Variants in LHFPL6 observed in about 807,000 individuals in gnomAD.
The protein encoded by LHFPL6 is LHFPL tetraspan subfamily member 6 protein.
Under a neutral mutation model 20.6 loss-of-function variants are expected in LHFPL6, and 9 were observed. The ratio of observed to expected loss-of-function variants is 0.44; its 90% CI spans 0.26 to 0.76. The LOEUF (loss-of-function observed/expected upper bound fraction) is 0.76, where lower values mean the gene tolerates loss of function less well. Ranked by LOEUF, LHFPL6 falls within the 30% of genes least tolerant of loss-of-function variation. The pLI is 0.20. For synonymous variants in LHFPL6, 105 were observed against 98.7 expected (o/e 1.06, Z -0.38); for missense variants, 218 against 253.5 (o/e 0.86, Z 0.95).
At chr13:39,574,114 A>C (rs1401104824) in intron 2 of LHFPL6, among the ~76,000 whole-genome samples, 1 of 152,044 alleles carries the variant, frequency 6.6e-6, no homozygotes, top group African/African-American at 2.4e-5. Context: ...CCTGCTGCAT[A>C]CTCCTGACTT....
At position 39,454,568 on chromosome 13, in the gene LHFPL6, A is replaced by G. The variant is rs1267286114; in HGVS notation, c.386-76042T>C. Among the ~76,000 whole-genome samples, 226 of 32,000 alleles carry G rather than the reference A, an allele frequency of 7.1e-3. 76 individuals are homozygous for G. Among genetic ancestry groups the G allele is most frequent in the African/African-American group, 0.053 (198 of 3,734 alleles). The allele number at this position is 32,000 out of a possible 152,430, so 21.0% of individuals were successfully genotyped here. A position where few individuals can be genotyped will look rare whatever the true frequency, so the allele number is the denominator to read the frequency against. The stretch of plus-strand genomic sequence containing the variant: ...GGCGTGAACCCGGGAGGCGGAGCTT[A>G]CAGTGAGCCGAGATCCCGCCACTGC... On this transcript the variant is annotated intron_variant, in intron 2 of 3. Transcript: ENST00000379589.
Position 39,398,725 on chromosome 13 carries a change from C to T in LHFPL6, c.386-20199G>A, listed in dbSNP as rs372259121. ...ACAGGGCCGCAGAGCAGGTGGGGAGCGGTGGGCAAGTGAGCATTACTGCCT... is the reference window on the plus strand; with the variant it reads ...ACAGGGCCGCAGAGCAGGTGGGGAGTGGTGGGCAAGTGAGCATTACTGCCT... On this transcript the variant is annotated intron_variant, in intron 2 of 3. Transcript: ENST00000379589. 8.5e-5 allele frequency among the ~76,000 whole-genome samples: 13 copies of T among 152,298 alleles called. No homozygotes were observed. The East Asian group carries it at 9.6e-4, about 11-fold the overall frequency.
intron 2 of LHFPL6, among the ~76,000 whole-genome samples, chr13:39,391,539 C>G (rs1224626985): frequency 6.6e-6 from 1 of 152,150 alleles, no homozygotes; most frequent in South Asian, 2.1e-4. Context: ...ATGTGTGTAT[C>G]AAACCTTATA....
chr13:39,375,724 C>G (rs1870277851), intron 3 of LHFPL6, among the ~76,000 whole-genome samples: 1 of 144,218 alleles, frequency 6.9e-6, no homozygotes, highest in Non-Finnish European at 1.5e-5. Flanking sequence ...TGGGATGGGC[C>G]TAGAGATATC....
intron 2 of LHFPL6, among the ~76,000 whole-genome samples, chr13:39,530,595 C>T (rs1315358362): frequency 6.6e-6 from 1 of 152,032 alleles, no homozygotes; most frequent in Non-Finnish European, 1.5e-5. Context: ...ACTCGTAAGT[C>T]CTAAAAACTT....
chr13:39,473,107 A>C (rs1872990528), intron 2 of LHFPL6, among the ~76,000 whole-genome samples: 1 of 152,016 alleles, frequency 6.6e-6, no homozygotes, highest in Non-Finnish European at 1.5e-5. Context: ...CCACTAGGTG[A>C]TAGCTATGCA....
intron 2 of LHFPL6, among the ~76,000 whole-genome samples, chr13:39,570,129 T>A (rs965924234): frequency 5.9e-5 from 9 of 152,200 alleles, no homozygotes; most frequent in African/African-American, 2.2e-4. Context: ...TTACTCTTTT[T>A]AAATTTATTT....
At chr13:39,486,840 T>G (rs1868742988) in intron 2 of LHFPL6, among the ~76,000 whole-genome samples, 1 of 152,216 alleles carries the variant, frequency 6.6e-6, no homozygotes, top group African/African-American at 2.4e-5. Flanking sequence ...TGAGTAGCTC[T>G]AAAGAAAGGA....
chr13:39,409,083 G>A (rs1268366018), intron 2 of LHFPL6, among the ~76,000 whole-genome samples: 1 of 152,100 alleles, frequency 6.6e-6, no homozygotes, highest in Admixed American at 6.5e-5. Flanking sequence ...AAATCTATGC[G>A]CCAAATGCCT....
chr13:39,403,452 C>T (rs1042813878), intron 2 of LHFPL6, among the ~76,000 whole-genome samples: 2 of 152,092 alleles, frequency 1.3e-5, no homozygotes, highest in Admixed American at 6.5e-5. Flanking sequence ...TAAATTACTG[C>T]AGTATAATCA....
At chr13:39,461,984 C>T (rs73175139) in intron 2 of LHFPL6, among the ~76,000 whole-genome samples, 14,263 of 152,122 alleles carry the variant, frequency 0.094, 1,266 homozygotes, top group East Asian at 0.51. Context: ...AAAAAATGCC[C>T]TGTGGCTGAG....
At chr13:39,450,054 T>C (rs989191587) in intron 2 of LHFPL6, among the ~76,000 whole-genome samples, 1 of 152,170 alleles carries the variant, frequency 6.6e-6, no homozygotes, top group South Asian at 2.1e-4. Flanking sequence ...GAGGAGAAAC[T>C]CATACACCAT....
chr13:39,349,645 A>G (rs1244976792), intron 3 of LHFPL6, among the ~76,000 whole-genome samples: 2 of 152,222 alleles, frequency 1.3e-5, no homozygotes, highest in African/African-American at 4.8e-5. Context: ...TAATTGTGAT[A>G]TGTGCTTTGA....
chr13:39,395,884 A>G (rs1172057428), intron 2 of LHFPL6, among the ~76,000 whole-genome samples: 2 of 152,216 alleles, frequency 1.3e-5, no homozygotes, highest in Non-Finnish European at 2.9e-5. Context: ...AGCAAAGGTG[A>G]CAGTGGAGGA....
chr13:39,388,275 G>C (rs1870618939), intron 2 of LHFPL6, among the ~76,000 whole-genome samples: 1 of 152,114 alleles, frequency 6.6e-6, no homozygotes, highest in Admixed American at 6.6e-5. Context: ...TCATGTGACA[G>C]AAAACACAAA....
intron 3 of LHFPL6, among the ~76,000 whole-genome samples, chr13:39,369,567 T>TTTCCTTCCTTCCTTCC (rs776843003): frequency 0.034 from 945 of 27,872 alleles, 111 homozygotes; most frequent in African/African-American, 0.076. Context: ...TCATAGTAGG[T>TTTCCTTCCTTCCTTCC]TTCCTTCCTT....
At chr13:39,589,901 G>T (rs540807924) in intron 2 of LHFPL6, among the ~76,000 whole-genome samples, 4 of 151,982 alleles carry the variant, frequency 2.6e-5, no homozygotes, top group African/African-American at 9.7e-5. Flanking sequence ...TACAATTTTT[G>T]AATATTGGCA....
intron 2 of LHFPL6, among the ~76,000 whole-genome samples, chr13:39,437,259 T>A (rs921552296): frequency 6.6e-6 from 1 of 152,186 alleles, no homozygotes. Flanking sequence ...CAAATTGTAA[T>A]CTCCAATGTT....
chr13:39,369,906 G>A (rs972167182), intron 3 of LHFPL6, among the ~76,000 whole-genome samples: 1 of 152,126 alleles, frequency 6.6e-6, no homozygotes, highest in Non-Finnish European at 1.5e-5. Context: ...TTGAATCTAT[G>A]ATTGTACAGA....
Sources: allele counts gnomAD v4.1 joint callset (sites outside exome capture counted in the v4.1 genomes callset), GRCh38; gene constraint gnomAD v4.1.1; transcripts MANE v1.5; gene names NCBI Gene and HGNC (gene_info 2026-07-23, HGNC 2026-07-21).